ZNF503: variants seen among roughly 807,000 people sequenced by gnomAD.
ZNF503 encodes zinc finger protein 503, also known as NocA-like zinc finger 2.
Under a neutral mutation model 34.4 loss-of-function variants are expected in ZNF503, and 15 were observed. That is an observed-to-expected ratio of 0.44 (90% CI 0.29 to 0.67). The LOEUF is 0.67. Ranked by LOEUF, ZNF503 falls within the 30% of genes least tolerant of loss-of-function variation. The pLI is 0.13. For missense variants in ZNF503, 1,007 were observed against 926.8 expected (o/e 1.09, Z -1.12); for synonymous variants, 580 against 456.8 (o/e 1.27, Z -3.44).
the ZNF503 span, among the ~76,000 whole-genome samples, chr10:75,352,065 A>G: frequency 7.8e-6 from 1 of 128,292 alleles, no homozygotes; most frequent in Non-Finnish European, 1.8e-5. Flanking sequence ...TGCCACTCCA[A>G]TATTGAAATG....
the ZNF503 span, chr10:75,283,882 A>C: frequency 2.0e-5 from 3 of 152,324 alleles, no homozygotes; most frequent in Admixed American, 2.0e-4. Context: ...ACCAGCCTTG[A>C]GATCAGAGCA....
the ZNF503 span, among the ~76,000 whole-genome samples, chr10:75,379,126 G>A: frequency 6.6e-6 from 1 of 151,940 alleles, no homozygotes; most frequent in Non-Finnish European, 1.5e-5. Context: ...CGGGTGACAG[G>A]GTATTTAATG....
chr10:75,295,819 A>G, the ZNF503 span: 5 of 152,194 alleles, frequency 3.3e-5, no homozygotes, highest in Non-Finnish European at 4.4e-5. This position sits in a 1 kb window ranked among gnomAD's most constrained non-coding sequence, Gnocchi z 4.0. Context: ...AATGTAGAAC[A>G]TTTTGTTTCC....
At chr10:75,368,155 T>G in the ZNF503 span, among the ~76,000 whole-genome samples, 3 of 152,214 alleles carry the variant, frequency 2.0e-5, no homozygotes, top group Non-Finnish European at 4.4e-5. Flanking sequence ...CTGCCCTATC[T>G]AGCTCTGTGG....
the ZNF503 span, among the ~76,000 whole-genome samples, chr10:75,326,221 A>G: frequency 0.76 from 115,467 of 152,164 alleles, 44,495 homozygotes; most frequent in African/African-American, 0.87. Context: ...TCACTTGTTA[A>G]TTCTAACAGT....
chr10:75,333,232 G>T, the ZNF503 span, among the ~76,000 whole-genome samples: 1 of 108,784 alleles, frequency 9.2e-6, no homozygotes, highest in African/African-American at 3.8e-5. Flanking sequence ...GGGCAGGGGG[G>T]CTGACCCCCC....
At chr10:75,329,759 G>A in the ZNF503 span, among the ~76,000 whole-genome samples, 2 of 152,168 alleles carry the variant, frequency 1.3e-5, no homozygotes, top group African/African-American at 4.8e-5. Flanking sequence ...TTACAGGCAT[G>A]AGCCACCATG....
At chr10:75,370,758 G>A in the ZNF503 span, among the ~76,000 whole-genome samples, 3 of 95,976 alleles carry the variant, frequency 3.1e-5, no homozygotes, top group African/African-American at 4.0e-5. Context: ...CAGCCTGGGC[G>A]AAAAAGAGAG....
chr10:75,340,097 G>A, the ZNF503 span, among the ~76,000 whole-genome samples: 6 of 146,376 alleles, frequency 4.1e-5, no homozygotes, highest in East Asian at 2.1e-4. Flanking sequence ...GCCTGTAGTC[G>A]CAGCTACTCA....
chr10:75,396,353 TGGAGACGGCGGCG>T (rs1843697008), downstream of ZNF503, among the ~76,000 whole-genome samples: 1 of 151,928 alleles, frequency 6.6e-6, no homozygotes, highest in Non-Finnish European at 1.5e-5. The surrounding 1 kb of genome is among the most constrained non-coding windows in gnomAD (Gnocchi z 4.4). Context: ...GTCGGGGGTG[TGGAGACGGCGGCG>T]GAGCCAGAGT....
At chr10:75,306,251 A>G in the ZNF503 span, among the ~76,000 whole-genome samples, 4 of 152,148 alleles carry the variant, frequency 2.6e-5, no homozygotes, top group African/African-American at 9.7e-5. Context: ...GTGTGAGGGT[A>G]GTATCTCATT....
At chr10:75,378,515 C>T in the ZNF503 span, among the ~76,000 whole-genome samples, 1 of 151,798 alleles carries the variant, frequency 6.6e-6, no homozygotes, top group South Asian at 2.1e-4. Context: ...GACCCACTCT[C>T]TCCTCCCTCC....
the ZNF503 span, among the ~76,000 whole-genome samples, chr10:75,336,289 G>A: frequency 6.6e-6 from 1 of 150,436 alleles, no homozygotes; most frequent in African/African-American, 2.5e-5. Context: ...ACAATTTTAG[G>A]TCCAAATTAC....
chr10:75,313,063 A>G, the ZNF503 span, among the ~76,000 whole-genome samples: 88 of 152,298 alleles, frequency 5.8e-4, no homozygotes, highest in African/African-American at 2.0e-3. Flanking sequence ...AGCCATGTGG[A>G]ACTGTGAATC....
the ZNF503 span, among the ~76,000 whole-genome samples, chr10:75,345,646 A>G: frequency 6.6e-6 from 1 of 151,318 alleles, no homozygotes; most frequent in East Asian, 1.9e-4. Flanking sequence ...AAAAAAAAAA[A>G]AAAAAAGAAA....
At chr10:75,377,271 C>A in the ZNF503 span, among the ~76,000 whole-genome samples, 1 of 152,182 alleles carries the variant, frequency 6.6e-6, no homozygotes, top group Non-Finnish European at 1.5e-5. Context: ...ACCTCCAGGG[C>A]TCTTAGGAAG....
chr10:75,331,323 C>T, the ZNF503 span, among the ~76,000 whole-genome samples: 7 of 152,210 alleles, frequency 4.6e-5, no homozygotes. Context: ...TCCATTTGGC[C>T]TAAAGTGCAG....
At chr10:75,387,271 G>A in the ZNF503 span, among the ~76,000 whole-genome samples, 1 of 152,218 alleles carries the variant, frequency 6.6e-6, no homozygotes, top group African/African-American at 2.4e-5. Flanking sequence ...TGCAGAATCT[G>A]TGAGTGGAAG....
chr10:75,315,786 C>T, the ZNF503 span, among the ~76,000 whole-genome samples: 88 of 152,250 alleles, frequency 5.8e-4, no homozygotes, highest in African/African-American at 2.0e-3. Flanking sequence ...AATCAAAAGA[C>T]ATAGAGGAAC....
Sources: allele counts gnomAD v4.1 joint callset (sites outside exome capture counted in the v4.1 genomes callset), GRCh38; gene constraint gnomAD v4.1.1; non-coding constraint Gnocchi (gnomAD v3.1); transcripts MANE v1.5; gene names NCBI Gene and HGNC (gene_info 2026-07-23, HGNC 2026-07-21).